Variants in COL25A1 observed in about 807,000 individuals in gnomAD.
The protein encoded by COL25A1 is collagen type XXV alpha 1 chain.
COL25A1 carries 103 observed loss-of-function variants against 128.4 expected under a neutral mutation model. The observed-to-expected ratio is 0.80, with a 90% CI of 0.68 to 0.94. The LOEUF (loss-of-function observed/expected upper bound fraction) is 0.94. Ranked by LOEUF, COL25A1 falls within the 40% of genes least tolerant of loss-of-function variation. The probability of loss-of-function intolerance (pLI) is 0.00; values close to 1 mark genes in which losing one functional copy is unlikely to be tolerated. For synonymous variants in COL25A1, 279 were observed against 277.2 expected, an observed-to-expected ratio of 1.01 and a Z score of -0.06; for missense variants, 745 against 840.0, an observed-to-expected ratio of 0.89 and a Z score of 1.40.
intron 5 of COL25A1, among the ~76,000 whole-genome samples, chr4:109,011,469 T>C (rs919750290): frequency 3.3e-5 from 5 of 152,180 alleles, no homozygotes; most frequent in Non-Finnish European, 5.9e-5. Context: ...TCACTGCAGA[T>C]GTTACTCACC....
At chr4:109,049,965 GAGA>G (rs1760831030) in intron 4 of COL25A1, among the ~76,000 whole-genome samples, 167 bp downstream of exon 4, 1 of 152,168 alleles carries the variant, frequency 6.6e-6, no homozygotes, top group Non-Finnish European at 1.5e-5. Flanking sequence ...TAGAAATAAG[GAGA>G]AGATTAAAAA....
chr4:108,893,578 G>A lies in COL25A1; in HGVS notation c.906+3089C>T, dbSNP rs80026901. The stretch of plus-strand genomic sequence containing the variant: ...GTTCCACAGTATTTCCAGATGACCA[G>A]TCTGGAAAGGTTTAGATTACTTTAC... On this transcript the variant is annotated intron_variant, in intron 16 of 37. Coordinates refer to ENST00000399132, the MANE Select transcript of COL25A1 (RefSeq NM_198721.4). 4.6e-3 allele frequency among the ~76,000 whole-genome samples: 695 copies of A among 152,110 alleles called. 14 individuals carry two copies. The East Asian group carries it at 0.062, about 14-fold the overall frequency.
At chr4:109,235,693 A>C (rs115885725) in intron 3 of COL25A1, among the ~76,000 whole-genome samples, 253 of 152,216 alleles carry the variant, frequency 1.7e-3, no homozygotes, top group African/African-American at 5.8e-3. Context: ...AAGAGGAAAG[A>C]ATTCATCCAG....
intron 11 of COL25A1, among the ~76,000 whole-genome samples, chr4:108,928,318 G>A (rs1482085877): frequency 6.6e-6 from 1 of 152,048 alleles, no homozygotes; most frequent in Non-Finnish European, 1.5e-5. Context: ...ATAATATATA[G>A]TCATATCCTA....
intron 4 of COL25A1, among the ~76,000 whole-genome samples, chr4:109,049,785 T>C (rs750122536): frequency 3.3e-5 from 5 of 152,134 alleles, no homozygotes; most frequent in Non-Finnish European, 5.9e-5. Flanking sequence ...ACCACCTATA[T>C]AGATGGAAAC....
chr4:109,158,931 G>A (rs1560787935), intron 3 of COL25A1, among the ~76,000 whole-genome samples: 1 of 151,894 alleles, frequency 6.6e-6, no homozygotes, highest in Non-Finnish European at 1.5e-5. Context: ...TTGCTTCCCT[G>A]ATTAATAAAG....
intron 24 of COL25A1, among the ~76,000 whole-genome samples, chr4:108,857,265 T>G (rs925762456): frequency 4.6e-5 from 7 of 152,152 alleles, no homozygotes; most frequent in Admixed American, 6.6e-5. Context: ...TATAAGAACT[T>G]TGAAAACAGT....
intron 3 of COL25A1, among the ~76,000 whole-genome samples, chr4:109,114,605 A>G (rs1163947273): frequency 1.3e-5 from 2 of 152,088 alleles, no homozygotes; most frequent in Non-Finnish European, 2.9e-5. Flanking sequence ...CATCCTGGGA[A>G]TTACAAATAC....
rs187286634 is a variant in COL25A1, at chr4:108,911,844, C to A, written c.780+6328G>T. 4.2e-4 allele frequency among the ~76,000 whole-genome samples: 55 copies of A among 132,454 alleles called. 1 individual carries two copies. In the East Asian group the frequency reaches 0.013, roughly 31 times the overall value. The allele number at this position is 132,454 out of a possible 152,430, so 86.9% of individuals were successfully genotyped here. On this transcript the variant is annotated intron_variant, in intron 13 of 37. Coordinates refer to ENST00000399132, the MANE Select transcript of COL25A1 (RefSeq NM_198721.4). ...TTGCAACAGCAAGTGAGGAGCTTTACTTCCTCAGCTACCCCTATTCTCTCA... is the reference window on the plus strand; with the variant it reads ...TTGCAACAGCAAGTGAGGAGCTTTAATTCCTCAGCTACCCCTATTCTCTCA...
chr4:108,817,265 G>C, intron 37 of COL25A1, 132 bp downstream of exon 37: 1 of 797,028 alleles, frequency 1.3e-6, no homozygotes, highest in South Asian at 1.6e-5. Flanking sequence ...TAAATATACT[G>C]ATCAAAAGAT....
chr4:109,120,889 TA>T (rs199547780), intron 3 of COL25A1, among the ~76,000 whole-genome samples: 8 of 151,512 alleles, frequency 5.3e-5, no homozygotes, highest in African/African-American at 9.7e-5. Flanking sequence ...GATATAAATC[TA>T]AAAAAAATGT....
intron 3 of COL25A1, among the ~76,000 whole-genome samples, chr4:109,060,821 A>G (rs1409392880): frequency 6.6e-6 from 1 of 152,004 alleles, no homozygotes; most frequent in Admixed American, 6.6e-5. Context: ...TCCTTCCCTC[A>G]CATTCTTGTG....
intron 10 of COL25A1, among the ~76,000 whole-genome samples, chr4:108,938,267 C>T (rs896117727): frequency 2.0e-5 from 3 of 152,096 alleles, no homozygotes; most frequent in Non-Finnish European, 4.4e-5. Context: ...TATATCATGA[C>T]ATTATCATTT....
At chr4:109,095,224 G>A (rs1765285537) in intron 3 of COL25A1, among the ~76,000 whole-genome samples, 1 of 152,124 alleles carries the variant, frequency 6.6e-6, no homozygotes, top group East Asian at 1.9e-4. Context: ...ATATTATCTT[G>A]TTACCAACTA....
chr4:108,872,935 C>T (rs1738946196), intron 19 of COL25A1, among the ~76,000 whole-genome samples: 3 of 151,662 alleles, frequency 2.0e-5, no homozygotes, highest in Admixed American at 2.0e-4. Flanking sequence ...ACTCTGTGCC[C>T]AGGCTGAAGT....
intron 5 of COL25A1, among the ~76,000 whole-genome samples, chr4:109,016,062 C>CA (rs1488323118): frequency 3.9e-5 from 6 of 152,278 alleles, no homozygotes; most frequent in African/African-American, 1.2e-4. Context: ...TGCAGCTGCC[C>CA]AGTCATGGCT....
intron 26 of COL25A1, among the ~76,000 whole-genome samples, chr4:108,851,809 A>G (rs914837242): frequency 5.3e-5 from 8 of 152,178 alleles, no homozygotes; most frequent in Admixed American, 1.3e-4. Context: ...TGAATGCACC[A>G]TACTAAAACT....
chr4:108,877,026 G>A (rs1487165975), intron 19 of COL25A1, among the ~76,000 whole-genome samples: 1 of 152,178 alleles, frequency 6.6e-6, no homozygotes, highest in Non-Finnish European at 1.5e-5. Flanking sequence ...GTTCAGTTAG[G>A]AAAGAAGAAA....
intron 31 of COL25A1, among the ~76,000 whole-genome samples, chr4:108,839,254 T>C (rs1461333692): frequency 3.9e-5 from 6 of 152,190 alleles, no homozygotes; most frequent in Non-Finnish European, 8.8e-5. Context: ...CAGGTGATTC[T>C]TATCAGGAAA....
Sources: allele counts gnomAD v4.1 joint callset (sites outside exome capture counted in the v4.1 genomes callset), GRCh38; gene constraint gnomAD v4.1.1; transcripts MANE v1.5; gene names NCBI Gene and HGNC (gene_info 2026-07-23, HGNC 2026-07-21).